MTOR: variants seen among roughly 807,000 people sequenced by gnomAD.
MTOR encodes the protein mechanistic target of rapamycin kinase.
MTOR carries 70 observed loss-of-function variants against 319.8 expected under a neutral mutation model. That is an observed-to-expected ratio of 0.22 (90% CI 0.18 to 0.27). The LOEUF (loss-of-function observed/expected upper bound fraction) is 0.27. Ranked by LOEUF, MTOR falls within the 10% of genes least tolerant of loss-of-function variation. MTOR has a pLI of 1.00. For missense variants in MTOR, 1,890 were observed against 3,274.4 expected (o/e 0.58, Z 10.32); for synonymous variants, 1,183 against 1,211.4 (o/e 0.98, Z 0.49).
intron 30 of MTOR, among the ~76,000 whole-genome samples, chr1:11,151,647 G>A (rs1460440888): frequency 6.6e-6 from 1 of 152,224 alleles, no homozygotes; most frequent in Non-Finnish European, 1.5e-5. Flanking sequence ...TGCTGGACCA[G>A]GGGTCACAGT....
intron 8 of MTOR, among the ~76,000 whole-genome samples, chr1:11,245,865 G>A (rs1029420156): frequency 6.6e-6 from 1 of 152,038 alleles, no homozygotes; most frequent in Non-Finnish European, 1.5e-5. Flanking sequence ...AGCTGAGATC[G>A]CATTACTGCA....
chr1:11,241,478 ATTCTT>A, intron 10 of MTOR, 70 bp downstream of exon 10: 1 of 1,513,580 alleles, frequency 6.6e-7, no homozygotes, highest in East Asian at 2.3e-5. Context: ...ACCATGCCTC[ATTCTT>A]TTAACAGTCC....
rs191073707 is a variant in MTOR, at chr1:11,240,287, C to A, written c.1786+16G>T. 1 of 1,538,562 alleles carries A rather than the reference C, an allele frequency of 6.5e-7. No individual in the cohort carries two copies. ...CATCTCTCACTATCTTGGCAAGAGC[C>A]GTTGTAATTTCTTACCTTCAAATTC... On this transcript the variant is annotated intron_variant, in intron 11 of 57. Coordinates refer to ENST00000361445, the MANE Select transcript of MTOR (RefSeq NM_004958.4).
chr1:11,200,138 C>A (rs1470927817), intron 26 of MTOR, among the ~76,000 whole-genome samples: 2 of 152,158 alleles, frequency 1.3e-5, no homozygotes, highest in African/African-American at 4.8e-5. Context: ...AGTATAGGGA[C>A]TTCTAACATA....
At position 11,259,414 on chromosome 1, in the gene MTOR, C is replaced by T. The variant is rs187553755; in HGVS notation, c.-5G>A. The T allele has an allele frequency of 3.5e-5, 54 of 1,544,296 alleles. 1 individual carries two copies. The East Asian group carries it at 1.1e-3, about 32-fold the overall frequency. On this transcript the variant is annotated 5_prime_UTR_variant, in exon 2 of 58. Transcript: ENST00000361445. Reference sequence around the variant, plus strand: ...GGCAGGTCCGGTTCCAAGCATCTTGCCCTGAGGTTCTTTAGAGAGAAGTTT... The same window carrying T: ...GGCAGGTCCGGTTCCAAGCATCTTGTCCTGAGGTTCTTTAGAGAGAAGTTT...
intron 28 of MTOR, chr1:11,189,738 G>A (rs1571113273): frequency 1.2e-6 from 2 of 1,614,174 alleles, no homozygotes; most frequent in East Asian, 2.2e-5. Context: ...AGGAGCTCAA[G>A]GCCCAAGTTG....
In MTOR at chr1:11,257,174, G is replaced by A. The variant is rs767387555; in HGVS notation, c.272-9C>T. Reference sequence around the variant, plus strand: ...CACTCCTATGAGGCTAGCTGCAAAAGAGAGGAAGGCAAAAGGTGATGATGG... The same window carrying A: ...CACTCCTATGAGGCTAGCTGCAAAAAAGAGGAAGGCAAAAGGTGATGATGG... On this transcript the variant is annotated splice_polypyrimidine_tract_variant and intron_variant, in intron 3 of 57. Coordinates refer to ENST00000361445, the MANE Select transcript of MTOR (RefSeq NM_004958.4). 1 of 1,607,976 alleles carries A rather than the reference G, an allele frequency of 6.2e-7. No homozygotes were observed. Among genetic ancestry groups the A allele is most frequent in the South Asian group, 1.1e-5 (1 of 90,132 alleles).
rs752388894 is a variant in MTOR at position 11,247,610 on chromosome 1, C to T, written c.1225+15G>A. On this transcript the variant is annotated intron_variant, in intron 8 of 57. Coordinates refer to ENST00000361445, the MANE Select transcript of MTOR (RefSeq NM_004958.4). ...CCCTGAGATGGGTAATGATGTCTTC[C>T]ATGGACATCCTCACCTGTGAAGGCA... The T allele has an allele frequency of 1.2e-6, 2 of 1,607,424 alleles. No individual in the cohort carries two copies. Among genetic ancestry groups the T allele is most frequent in the East Asian group, 2.2e-5 (1 of 44,866 alleles).
At chr1:11,232,660 G>C in intron 15 of MTOR, 132 bp from the exon 16 acceptor site, 1 of 637,468 alleles carries the variant, frequency 1.6e-6, no homozygotes, top group Non-Finnish European at 2.7e-6. Flanking sequence ...AGATCACCTG[G>C]CATCAGGAGC....
intron 34 of MTOR, among the ~76,000 whole-genome samples, chr1:11,139,977 A>T (rs1015291844): frequency 1.3e-5 from 2 of 152,082 alleles, no homozygotes; most frequent in Non-Finnish European, 2.9e-5. Context: ...GGCGTGAGCC[A>T]GCACGCCCGG....
At chr1:11,150,911 A>G (rs1644119237) in intron 30 of MTOR, among the ~76,000 whole-genome samples, 1 of 152,220 alleles carries the variant, frequency 6.6e-6, no homozygotes. Context: ...TTCTCAGTGA[A>G]AAAAAATAAA....
At chr1:11,117,575 T>C (rs1036715628) in intron 49 of MTOR, among the ~76,000 whole-genome samples, 6 of 152,152 alleles carry the variant, frequency 3.9e-5, no homozygotes, top group Admixed American at 1.3e-4. Flanking sequence ...TAATTAGAAA[T>C]GTGTTAGACT....
chr1:11,168,202 T>C (rs1362405995), intron 28 of MTOR, among the ~76,000 whole-genome samples: 1 of 150,840 alleles, frequency 6.6e-6, no homozygotes, highest in African/African-American at 2.4e-5. Context: ...CATATGAGAC[T>C]CCTCTGAACT....
At chr1:11,179,968 G>A (rs1289030968) in intron 28 of MTOR, among the ~76,000 whole-genome samples, 1 of 152,172 alleles carries the variant, frequency 6.6e-6, no homozygotes, top group East Asian at 1.9e-4. Flanking sequence ...CTGGAGTGCA[G>A]TGGTGCAATC....
Position 11,129,692 on chromosome 1 carries a change from C to T in MTOR, c.5714+46G>A, listed in dbSNP as rs1400766370. 1 of 1,543,748 alleles carries T rather than the reference C, an allele frequency of 6.5e-7. No homozygotes were observed. The highest frequency in any genetic ancestry group is 1.1e-5 in the South Asian group (1 of 88,480). On this transcript the variant is annotated intron_variant, in intron 40 of 57. Coordinates refer to ENST00000361445, the MANE Select transcript of MTOR (RefSeq NM_004958.4). This position sits in a 1 kb window ranked among gnomAD's most constrained non-coding sequence, Gnocchi z 4.7. ...TTTTACGTGTGACTTCTAGGTCTTG[C>T]CATTAACATGGCCTACCAGAGTTGC...
In MTOR at chr1:11,242,500, C is replaced by CAAAAAAAAA. The variant is rs70977555; in HGVS notation, c.1412+605_1412+613dup. Among the ~76,000 whole-genome samples the CAAAAAAAAA allele has an allele frequency of 3.8e-3, 198 of 52,480 alleles. 1 individual carries two copies. Among genetic ancestry groups the CAAAAAAAAA allele is most frequent in the Middle Eastern group, 0.026 (1 of 38 alleles). 34.4% of individuals were successfully genotyped at this position (52,480 alleles called of 152,430 possible). A position where few individuals can be genotyped will look rare whatever the true frequency, so the allele number is the denominator to read the frequency against. On this transcript the variant is annotated intron_variant, in intron 9 of 57. Coordinates refer to ENST00000361445, the MANE Select transcript of MTOR (RefSeq NM_004958.4). Reference sequence around the variant, plus strand: ...GGGCAACCAAAGTAAGACTCCATCTCAAAAAAAAAAAAAAAAAAAAAAAAA... The same window carrying CAAAAAAAAA: ...GGGCAACCAAAGTAAGACTCCATCTCAAAAAAAAAAAAAAAAAAAAAAAAAAAAAAAAAA...
Position 11,250,058 on chromosome 1 carries a change from C to T in MTOR, c.841-1964G>A, listed in dbSNP as rs1373466123. ...TGGCCGGGCGGGGGGCTGACCCCCA[C>T]ACCTCCCTCCCGGACGGGGCGGCTG... On this transcript the variant is annotated intron_variant, in intron 6 of 57. Transcript: ENST00000361445. Among the ~76,000 whole-genome samples, 592 of 132,942 alleles carry T rather than the reference C, an allele frequency of 4.5e-3. 9 individuals carry two copies. Among genetic ancestry groups the T allele is most frequent in the African/African-American group, 0.016 (565 of 35,760 alleles). The allele number at this position is 132,942 out of a possible 152,430, so 87.2% of individuals were successfully genotyped here.
At chr1:11,207,409 C>CTTTTT (rs386366225) in intron 25 of MTOR, among the ~76,000 whole-genome samples, 2,260 of 114,110 alleles carry the variant, frequency 0.02, 148 homozygotes, top group African/African-American at 0.037. Flanking sequence ...CCCCCTACCT[C>CTTTTT]TTTTTTTTTT....
rs1276764506 is a variant in MTOR, at chr1:11,212,350, C to T, written c.3523G>A (p.Asp1175Asn). The change falls in exon 23 of 58, where the codon GAC becomes AAC. Residue 1175 changes from aspartate to asparagine, a missense_variant. Transcript: ENST00000361445. This position sits in a 1 kb window ranked among gnomAD's most constrained non-coding sequence, Gnocchi z 4.1. Reference protein sequence around the residue: ...QSPELRSTAMDTLSSLVFQLG... With the variant: ...QSPELRSTAMNTLSSLVFQLG... ...TGAAAAACAAGTGAAGACAGCGTGT[C>T]CATGGCTGTGGAGCGCAGTTCTGGG... is the stretch of plus-strand genomic sequence containing the variant. The T allele has an allele frequency of 6.2e-7, 1 of 1,614,142 alleles. No homozygotes were observed. Among genetic ancestry groups the T allele is most frequent in the Non-Finnish European group, 8.5e-7 (1 of 1,179,998 alleles).
Sources: allele counts gnomAD v4.1 joint callset (sites outside exome capture counted in the v4.1 genomes callset), GRCh38; gene constraint gnomAD v4.1.1; non-coding constraint Gnocchi (gnomAD v3.1); transcripts MANE v1.5; gene names NCBI Gene and HGNC (gene_info 2026-07-23, HGNC 2026-07-21).